The following RASSF6 variants were observed in gnomAD, a reference collection of about 807,000 sequenced individuals.
The protein encoded by RASSF6 is ras association domain-containing protein 6.
In RASSF6, 52 loss-of-function variants were observed where a neutral mutation model predicts 44.0. The ratio of observed to expected loss-of-function variants is 1.18; its 90% CI spans 0.95 to 1.49. The LOEUF is 1.49. Among genes scored for constraint, RASSF6 ranks in the 40% most tolerant of loss-of-function variants. The pLI, the probability that RASSF6 is intolerant of heterozygous loss-of-function variation, is 0.00. For missense variants in RASSF6, 464 were observed against 393.3 expected (o/e 1.18, Z -1.52); for synonymous variants, 162 against 124.6 (o/e 1.30, Z -2.00).
chr4:73,582,622 G>T (rs1387251575), intron 6 of RASSF6, among the ~76,000 whole-genome samples: 1 of 152,052 alleles, frequency 6.6e-6, no homozygotes, highest in African/African-American at 2.4e-5. Flanking sequence ...AACGGATAGA[G>T]ATATTAAGTA....
rs939602108 is a variant in RASSF6 at position 73,604,208 on chromosome 4, GAAC to G, written c.66-5493_66-5491del. On this transcript the variant is annotated intron_variant, in intron 2 of 10. Transcript: ENST00000307439. The stretch of plus-strand genomic sequence containing the variant: ...AGCTGCTTAGTGACAACAACATTAA[GAAC>G]AACATTTCATCCCAGCACTTTGGGA... The G allele has an allele frequency of 4.2e-4, 64 of 152,228 alleles. 2 individuals carry two copies. The highest frequency in any genetic ancestry group is 1.5e-3 in the African/African-American group (61 of 41,548). 9.4% of individuals were successfully genotyped at this position (152,228 alleles called of 1,614,324 possible). A position where few individuals can be genotyped will look rare whatever the true frequency, so the allele number is the denominator to read the frequency against.
At chr4:73,617,772 A>T (rs760090857) in intron 1 of RASSF6, among the ~76,000 whole-genome samples, 1 of 152,262 alleles carries the variant, frequency 6.6e-6, no homozygotes, top group Non-Finnish European at 1.5e-5. Context: ...CATTTTAAAC[A>T]TACAAATTAA....
chr4:73,585,998 T>C (rs1450834204), intron 5 of RASSF6, among the ~76,000 whole-genome samples: 1 of 98,742 alleles, frequency 1.0e-5, no homozygotes, highest in Non-Finnish European at 1.9e-5. Flanking sequence ...CCCACCCCAT[T>C]ATATGTTGGC....
chr4:73,592,265 G>T (rs1724613080), intron 4 of RASSF6, among the ~76,000 whole-genome samples: 1 of 152,222 alleles, frequency 6.6e-6, no homozygotes, highest in Non-Finnish European at 1.5e-5. Context: ...GCAGACTTCT[G>T]TCAAGGTGAT....
intron 4 of RASSF6, among the ~76,000 whole-genome samples, chr4:73,590,893 A>G (rs1344947008): frequency 6.6e-6 from 1 of 152,224 alleles, no homozygotes; most frequent in Non-Finnish European, 1.5e-5. Flanking sequence ...GCTTCACAGC[A>G]ATGTACTAAT....
In RASSF6 at chr4:73,582,195, T is replaced by C. The variant is rs187711109; in HGVS notation, c.663A>G (p.Lys221=). 10 of 1,512,796 alleles carry C rather than the reference T, an allele frequency of 6.6e-6. No homozygotes were observed. The East Asian group carries it at 2.3e-4, about 35-fold the overall frequency. 93.7% of individuals were successfully genotyped at this position (1,512,796 alleles called of 1,614,324 possible). A position where few individuals can be genotyped will look rare whatever the true frequency, so the allele number is the denominator to read the frequency against. Residue 221 remains lysine, a synonymous_variant, in exon 7 of 11, where the codon AAA becomes AAG. Transcript: ENST00000307439. ...TEEVIKQLLQ[K]FKIENSPQDF... Reference sequence around the variant, plus strand: ...GTTAAGTGATAAAGGTTACCTTAAATTTTTGGAGAAGTTGCTTTATTACTT... The same window carrying C: ...GTTAAGTGATAAAGGTTACCTTAAACTTTTGGAGAAGTTGCTTTATTACTT...
chr4:73,610,825 G>A (rs1296007554), intron 2 of RASSF6, among the ~76,000 whole-genome samples: 1 of 152,172 alleles, frequency 6.6e-6, no homozygotes. Flanking sequence ...AACTCCATGA[G>A]AGTAAGGGTT....
chr4:73,584,286 T>C (rs1484508265), intron 6 of RASSF6, among the ~76,000 whole-genome samples: 2 of 152,100 alleles, frequency 1.3e-5, no homozygotes, highest in Non-Finnish European at 2.9e-5. Context: ...GAGTTCCTAT[T>C]TCTTATTAAA....
chr4:73,593,118 C>A (rs539604228), intron 4 of RASSF6, among the ~76,000 whole-genome samples: 1 of 151,364 alleles, frequency 6.6e-6, no homozygotes, highest in Non-Finnish European at 1.5e-5. Context: ...CGGATTAAAG[C>A]GATTCTCCTG....
chr4:73,620,555 A>G (rs377418171), upstream of RASSF6: 33 of 1,301,996 alleles, frequency 2.5e-5, no homozygotes, highest in African/African-American at 3.5e-4. Context: ...CTGGAGCCCC[A>G]GGAGCTGTTA....
At chr4:73,577,119 T>C (rs756155351) in intron 8 of RASSF6, among the ~76,000 whole-genome samples, 6 of 152,212 alleles carry the variant, frequency 3.9e-5, no homozygotes, top group Non-Finnish European at 5.9e-5. Context: ...TTTCTGGTTC[T>C]TCAGGTCCAA....
rs754072709 is a variant in RASSF6, at chr4:73,576,657, G to A, written c.796C>T (p.Arg266Cys). Residue 266 changes from arginine (R) to cysteine (C), a missense_variant, in exon 9 of 11, where the codon CGC becomes TGC. Arg to Cys is a radical substitution (Grantham distance 180). Coordinates refer to ENST00000307439, the MANE Select transcript of RASSF6 (RefSeq NM_177532.5). ...GCATCTTTATCCATGAGGAAAATGC[G>A]AGCATTCTTTTCAGAAGGTCCCTGT... ...LLQGPSEKNARIFLMDKDAEE... is the reference protein window; with the variant it reads ...LLQGPSEKNACIFLMDKDAEE... 120 of 1,613,548 alleles carry A rather than the reference G, an allele frequency of 7.4e-5. No individual in the cohort carries two copies. The highest frequency in any genetic ancestry group is 1.0e-4 in the Admixed American group (6 of 59,984).
At chr4:73,610,417 C>T (rs141019571) in intron 2 of RASSF6, among the ~76,000 whole-genome samples, 4 of 152,314 alleles carry the variant, frequency 2.6e-5, no homozygotes, top group South Asian at 2.1e-4. Flanking sequence ...TATTGCCACT[C>T]ATGTGCTCAA....
chr4:73,614,139 T>A, intron 1 of RASSF6, among the ~76,000 whole-genome samples: 1 of 152,184 alleles, frequency 6.6e-6, no homozygotes, highest in East Asian at 1.9e-4. Flanking sequence ...CCAAATTCAA[T>A]CCAAAAGTAA....
At chr4:73,598,994 G>A (rs535284544) in intron 2 of RASSF6, among the ~76,000 whole-genome samples, 7 of 152,314 alleles carry the variant, frequency 4.6e-5, no homozygotes, top group South Asian at 2.1e-4. Context: ...AGGCAGCCAC[G>A]AAACAGGAAT....
Position 73,620,294 on chromosome 4 carries a change from T to C in RASSF6, c.-41A>G. The C allele has an allele frequency of 7.0e-7, 1 of 1,437,528 alleles. No homozygotes were observed. The highest frequency in any genetic ancestry group is 9.1e-7 in the Non-Finnish European group (1 of 1,098,358). The allele number at this position is 1,437,528 out of a possible 1,614,324, so 89.0% of individuals were successfully genotyped here. ...CCCCATCCCCATTTTTTACCTGTTA[T>C]TCACACTGTGAGCAGGAGGACCCTT... On this transcript the variant is annotated 5_prime_UTR_variant, in exon 1 of 11. Transcript: ENST00000307439.
chr4:73,581,693 C>T, intron 8 of RASSF6, 124 bp downstream of exon 8: 1 of 603,642 alleles, frequency 1.7e-6, no homozygotes, highest in Non-Finnish European at 3.0e-6. Flanking sequence ...CCACTCCTTC[C>T]TTTTCTCCTA....
rs992389945 is a variant in RASSF6 at position 73,611,846 on chromosome 4, T to A, written c.-34-17A>T. On this transcript the variant is annotated splice_polypyrimidine_tract_variant and intron_variant, in intron 1 of 10. Transcript: ENST00000307439. ...GAGGATATCCTAAACATGAGAATAA[T>A]ATTAATGATTTGTTCCTATAATGCA... 3.3e-6 allele frequency: 5 copies of A among 1,497,494 alleles called. No homozygotes were observed. In the African/African-American group the frequency reaches 6.9e-5, roughly 21 times the overall value. 92.8% of individuals were successfully genotyped at this position (1,497,494 alleles called of 1,614,324 possible). A position where few individuals can be genotyped will look rare whatever the true frequency, so the allele number is the denominator to read the frequency against.
chr4:73,605,720 TCA>T (rs1372389889), intron 2 of RASSF6, among the ~76,000 whole-genome samples: 1 of 152,236 alleles, frequency 6.6e-6, no homozygotes, highest in Non-Finnish European at 1.5e-5. Flanking sequence ...GAATTCTGTC[TCA>T]CTCTTCCAAC....
Sources: allele counts gnomAD v4.1 joint callset (sites outside exome capture counted in the v4.1 genomes callset), GRCh38; gene constraint gnomAD v4.1.1; transcripts MANE v1.5; gene names NCBI Gene and HGNC (gene_info 2026-07-23, HGNC 2026-07-21).